The following DLG5 variants were observed in gnomAD, a reference collection of about 807,000 sequenced individuals.
The protein encoded by DLG5 is disks large homolog 5.
DLG5 carries 48 observed loss-of-function variants against 189.8 expected under a neutral mutation model. The observed-to-expected ratio is 0.25, with a 90% CI of 0.20 to 0.32. The LOEUF (loss-of-function observed/expected upper bound fraction) is 0.32. Among genes scored for constraint, DLG5 ranks in the 10% least tolerant of loss-of-function variants. The probability of loss-of-function intolerance (pLI) is 1.00; values close to 1 mark genes in which losing one functional copy is unlikely to be tolerated. For missense variants in DLG5, 2,160 were observed against 2,544.7 expected (o/e 0.85, Z 3.25); for synonymous variants, 1,016 against 1,054.1 (o/e 0.96, Z 0.70).
chr10:77,872,284 C>A (rs1458400419), intron 1 of DLG5, among the ~76,000 whole-genome samples: 1 of 152,230 alleles, frequency 6.6e-6, no homozygotes, highest in Non-Finnish European at 1.5e-5. Context: ...TCTCTCTCCT[C>A]CCCTGTGGCA....
Position 77,819,945 on chromosome 10 carries a change from T to C in DLG5, c.3476A>G (p.His1159Arg). 1.2e-6 allele frequency: 2 copies of C among 1,609,514 alleles called. No homozygotes were observed. The highest frequency in any genetic ancestry group is 1.7e-6 in the Non-Finnish European group (2 of 1,178,054). The change falls in exon 16 of 32, where the codon CAT (histidine) becomes CGT (arginine). Residue 1159 changes from histidine to arginine, a missense_variant. Physicochemically the swap from His to Arg is conservative, Grantham distance 29. Transcript: ENST00000372391. ...CGGGGGGTTGCTGTGCCGGCTGGAA[T>C]GCCCAGGCGAGTAAGGTGCCCACTC... The part of the protein sequence containing the change: ...LQEWAPYSPG[H>R]SSRHSNPPLY...
Position 77,796,294 on chromosome 10 carries a change from G to A in DLG5, c.5309-106C>T, listed in dbSNP as rs1568111305. The stretch of plus-strand genomic sequence containing the variant: ...CAGCAGCTGTCAGTAACCCAGTCCT[G>A]CCATGCATGAATCTGACCCATGTCA... On this transcript the variant is annotated intron_variant, in intron 28 of 31. Transcript: ENST00000372391. The surrounding 1 kb of genome is among the most constrained non-coding windows in gnomAD (Gnocchi z 5.2). 3 of 1,593,252 alleles carry A rather than the reference G, an allele frequency of 1.9e-6. No individual in the cohort carries two copies. The highest frequency in any genetic ancestry group is 8.6e-7 in the Non-Finnish European group (1 of 1,166,530).
intron 1 of DLG5, among the ~76,000 whole-genome samples, chr10:77,912,769 T>C (rs1452157684): frequency 6.6e-6 from 1 of 152,234 alleles, no homozygotes; most frequent in African/African-American, 2.4e-5. Context: ...AAACACCATC[T>C]GCAGCCTCTG....
intron 20 of DLG5, among the ~76,000 whole-genome samples, chr10:77,812,715 T>TG (rs1568133148): frequency 6.6e-6 from 1 of 152,166 alleles, no homozygotes; most frequent in African/African-American, 2.4e-5. Context: ...TTACAAACTC[T>TG]GGGGGGTCTT....
chr10:77,877,130 G>C (rs764047533), intron 1 of DLG5, among the ~76,000 whole-genome samples: 1 of 151,970 alleles, frequency 6.6e-6, no homozygotes, highest in Non-Finnish European at 1.5e-5. Flanking sequence ...GAAAACTCTC[G>C]TATCAATTTT....
rs374351449 is a variant in DLG5 at position 77,841,372 on chromosome 10, G to T, written c.1437+509C>A. 1.4e-4 allele frequency among the ~76,000 whole-genome samples: 21 copies of T among 152,260 alleles called. 3 individuals carry two copies. Among genetic ancestry groups the T allele is most frequent in the East Asian group, 7.7e-4 (4 of 5,180 alleles). On this transcript the variant is annotated intron_variant, in intron 7 of 31. Coordinates refer to ENST00000372391, the MANE Select transcript of DLG5 (RefSeq NM_004747.4). ...GCAAGGCTTTAGGAGAAGAATGTTG[G>T]GCTCAGCCTACTAGCACATCTTCCC...
intron 10 of DLG5, 89 bp downstream of exon 10, chr10:77,830,652 G>A (rs1481774205): frequency 5.2e-6 from 8 of 1,543,356 alleles, no homozygotes; most frequent in South Asian, 4.9e-5. Context: ...CAAACTTGGA[G>A]TGGTGAAACT....
At chr10:77,865,316 G>T (rs1235931397) in intron 2 of DLG5, among the ~76,000 whole-genome samples, 1 of 152,138 alleles carries the variant, frequency 6.6e-6, no homozygotes, top group Non-Finnish European at 1.5e-5. Context: ...GGCCAGGAAT[G>T]AAGGATCAGA....
chr10:77,812,265 C>T lies in DLG5; in HGVS notation c.4138G>A (p.Gly1380Arg), dbSNP rs1345422687. 6.2e-7 allele frequency: 1 copy of T among 1,614,176 alleles called. No homozygotes were observed. Among genetic ancestry groups the T allele is most frequent in the Non-Finnish European group, 8.5e-7 (1 of 1,180,026 alleles). Residue 1380 changes from glycine to arginine, a missense_variant, in exon 21 of 32, where the codon GGG (glycine) becomes AGG (arginine). Physicochemically the swap from Gly to Arg is moderately radical, Grantham distance 125 (BLOSUM62 -2). Around this residue, in one of 5 missense-constraint regions of DLG5, gnomAD observed 61 missense variants for 101.0 expected, o/e 0.60. Coordinates refer to ENST00000372391, the MANE Select transcript of DLG5 (RefSeq NM_004747.4). ...AGGCCAGCCTGGTGAGCGATGCTCC[C>T]CACGGTCACCTTGGAGACGTAGATG... Reference protein sequence around the residue: ...GGIYVSKVTVGSIAHQAGLEY... With the variant: ...GGIYVSKVTVRSIAHQAGLEY...
rs371154712 is a variant in DLG5 at position 77,821,753 on chromosome 10, G to A, written c.2731C>T (p.Arg911Cys). ...GDRGFGLVDV[R>C]GRRPLLPFET... Reference sequence around the variant, plus strand: ...AAGGGCAGCAGTGGCCGCCGGCCACGCACGTCCACCAGCCCAAAGCCACGG... The same window carrying A: ...AAGGGCAGCAGTGGCCGCCGGCCACACACGTCCACCAGCCCAAAGCCACGG... Residue 911 changes from arginine to cysteine, a missense_variant, in exon 15 of 32, where the codon CGT (arginine) becomes TGT (cysteine). By Grantham distance (180) the Arg-to-Cys change is radical. This residue lies in a region of DLG5 where 754 missense variants were observed against 746.5 expected (regional missense o/e 1.01). Transcript: ENST00000372391. 76 of 1,609,008 alleles carry A rather than the reference G, an allele frequency of 4.7e-5. 1 individual carries two copies. The South Asian group carries it at 6.4e-4, about 14-fold the overall frequency.
At chr10:77,894,094 C>T (rs1288978253) in intron 1 of DLG5, among the ~76,000 whole-genome samples, 2 of 152,214 alleles carry the variant, frequency 1.3e-5, no homozygotes, top group African/African-American at 4.8e-5. Context: ...AGATCTCTAT[C>T]GCCTACTCAG....
intron 1 of DLG5, among the ~76,000 whole-genome samples, chr10:77,901,234 G>A (rs970816230): frequency 3.3e-5 from 5 of 152,122 alleles, no homozygotes; most frequent in African/African-American, 4.8e-5. Flanking sequence ...CTGTGCTGCC[G>A]TCTGCTCCCT....
intron 15 of DLG5, chr10:77,820,635 C>T (rs1842298579): frequency 5.4e-6 from 1 of 186,006 alleles, no homozygotes; most frequent in South Asian, 1.4e-4. Context: ...TCTTTGTCCC[C>T]AGTGAGCAGT....
At chr10:77,888,036 A>G (rs1170463955) in intron 1 of DLG5, among the ~76,000 whole-genome samples, 2 of 152,176 alleles carry the variant, frequency 1.3e-5, no homozygotes, top group East Asian at 3.9e-4. Context: ...CCAACTTCTT[A>G]GTTTAAATGG....
At chr10:77,893,611 G>A (rs1845673479) in intron 1 of DLG5, among the ~76,000 whole-genome samples, 1 of 152,248 alleles carries the variant, frequency 6.6e-6, no homozygotes, top group African/African-American at 2.4e-5. Flanking sequence ...GACTTGCCAA[G>A]TCCATAGTCA....
intron 5 of DLG5, among the ~76,000 whole-genome samples, chr10:77,847,666 GCACACA>G (rs146678116): frequency 1.3e-5 from 2 of 151,224 alleles, no homozygotes; most frequent in Non-Finnish European, 3.0e-5. Flanking sequence ...ACACGAGTGC[GCACACA>G]CACACACACA....
intron 2 of DLG5, among the ~76,000 whole-genome samples, chr10:77,865,020 T>C (rs1844616811): frequency 6.6e-6 from 1 of 152,202 alleles, no homozygotes; most frequent in Admixed American, 6.5e-5. Flanking sequence ...AGAGCACTTT[T>C]CCTGGAAGGC....
intron 14 of DLG5, among the ~76,000 whole-genome samples, chr10:77,823,975 C>A (rs376423774): frequency 1.3e-5 from 2 of 152,020 alleles, no homozygotes; most frequent in Non-Finnish European, 2.9e-5. Context: ...TCAAGTGATT[C>A]GACTGCCTTG....
chr10:77,822,134 A>T (rs1176688202), intron 14 of DLG5, 33 bp from the exon 15 acceptor site: 2 of 1,581,004 alleles, frequency 1.3e-6, no homozygotes, highest in Non-Finnish European at 1.7e-6. Flanking sequence ...TGAGAGAGAG[A>T]GTGAGATGGC....
Sources: gnomAD v4.1 joint callset for allele counts (sites outside exome capture counted in the v4.1 genomes callset) on GRCh38, gnomAD v4.1.1 for gene constraint, gnomAD v4.1.1 regional missense constraint, Gnocchi (gnomAD v3.1) non-coding constraint, MANE v1.5 for transcripts, NCBI Gene and HGNC (gene_info 2026-07-23, HGNC 2026-07-21) for gene names.